OXR1: variants seen among roughly 807,000 people sequenced by gnomAD.
OXR1 encodes oxidation resistance protein 1.
OXR1 carries 41 observed loss-of-function variants against 104.6 expected under a neutral mutation model. The observed-to-expected ratio is 0.39, with a 90% CI of 0.31 to 0.51. The LOEUF (loss-of-function observed/expected upper bound fraction) is 0.51. OXR1 is among the 20% of genes least tolerant of loss of function. OXR1 has a pLI of 0.77. For synonymous variants in OXR1, 348 were observed against 348.4 expected (o/e 1.00, Z 0.01); for missense variants, 955 against 1,031.9 (o/e 0.93, Z 1.02).
At chr8:106,320,682 G>C (rs999083789) in intron 1 of OXR1, among the ~76,000 whole-genome samples, 9 of 150,814 alleles carry the variant, frequency 6.0e-5, no homozygotes, top group African/African-American at 1.2e-4. Flanking sequence ...CTTTTTTTGG[G>C]GGGGGCGGGG....
chr8:106,645,989 C>T (rs1366470767), intron 3 of OXR1, among the ~76,000 whole-genome samples: 3 of 152,062 alleles, frequency 2.0e-5, no homozygotes, highest in Admixed American at 2.0e-4. Context: ...GAAGGAACAA[C>T]AACAACAAAA....
At chr8:106,499,702 G>A (rs1586725930) in intron 2 of OXR1, among the ~76,000 whole-genome samples, 1 of 152,224 alleles carries the variant, frequency 6.6e-6, no homozygotes, top group East Asian at 1.9e-4. Context: ...AACTGGTAGA[G>A]TTTTATTCTA....
At chr8:106,508,760 A>G (rs562538115) in intron 2 of OXR1, among the ~76,000 whole-genome samples, 6 of 152,120 alleles carry the variant, frequency 3.9e-5, no homozygotes, top group Non-Finnish European at 7.4e-5. Flanking sequence ...TAAGAATCAT[A>G]TTTTCTGTAC....
chr8:106,421,892 G>A (rs565871245), intron 2 of OXR1, among the ~76,000 whole-genome samples: 1 of 127,580 alleles, frequency 7.8e-6, no homozygotes, highest in Non-Finnish European at 1.6e-5. Context: ...TTTCTATATA[G>A]CTATAAGAGT....
chr8:106,496,152 C>T (rs1027103662), intron 2 of OXR1, among the ~76,000 whole-genome samples: 1 of 152,150 alleles, frequency 6.6e-6, no homozygotes, highest in African/African-American at 2.4e-5. Flanking sequence ...GCATATCAGT[C>T]AGGATAGTCT....
chr8:106,318,842 G>GA (rs1266289531), intron 1 of OXR1, among the ~76,000 whole-genome samples: 48 of 152,268 alleles, frequency 3.2e-4, no homozygotes, highest in African/African-American at 1.1e-3. Context: ...GCCCAGTATG[G>GA]TAAAGGAGAG....
At chr8:106,600,977 A>G (rs1216095495) in intron 3 of OXR1, among the ~76,000 whole-genome samples, 1 of 152,212 alleles carries the variant, frequency 6.6e-6, no homozygotes, top group Non-Finnish European at 1.5e-5. Flanking sequence ...ATGTTCTAAT[A>G]AATTCTCTGA....
intron 3 of OXR1, chr8:106,658,129 T>C: frequency 8.0e-7 from 1 of 1,246,544 alleles, no homozygotes; most frequent in Non-Finnish European, 1.0e-6. Context: ...CAGGGGGACC[T>C]CGGGTGCGGG....
chr8:106,718,977 G>T (rs1458554248), intron 11 of OXR1, among the ~76,000 whole-genome samples: 1 of 152,102 alleles, frequency 6.6e-6, no homozygotes, highest in Non-Finnish European at 1.5e-5. Flanking sequence ...TTATGTTTTT[G>T]GTGTGATACC....
intron 3 of OXR1, among the ~76,000 whole-genome samples, chr8:106,597,884 C>A (rs879569008): frequency 3.3e-5 from 5 of 152,182 alleles, no homozygotes; most frequent in Non-Finnish European, 7.3e-5. Context: ...CAATATCTAG[C>A]TACTTCCTTT....
intron 1 of OXR1, among the ~76,000 whole-genome samples, chr8:106,344,525 G>A (rs1815396968): frequency 6.6e-6 from 1 of 152,230 alleles, no homozygotes; most frequent in East Asian, 1.9e-4. Context: ...TTTTAGTAGA[G>A]ATGGGGTTTC....
At chr8:106,707,256 G>C (rs773722256) in intron 9 of OXR1, 111 bp downstream of exon 9, 1 of 877,148 alleles carries the variant, frequency 1.1e-6, no homozygotes, top group South Asian at 1.4e-5. Flanking sequence ...GGATAAGTGA[G>C]TGACCCTTGA....
intron 3 of OXR1, among the ~76,000 whole-genome samples, chr8:106,549,419 C>T (rs569398266): frequency 1.3e-5 from 2 of 152,190 alleles, no homozygotes; most frequent in African/African-American, 4.8e-5. Flanking sequence ...TGAATATTAG[C>T]AAATATGTAT....
intron 2 of OXR1, among the ~76,000 whole-genome samples, chr8:106,421,737 A>C (rs1818914709): frequency 9.7e-6 from 1 of 103,222 alleles, no homozygotes; most frequent in Non-Finnish European, 1.9e-5. Flanking sequence ...AAACTATATC[A>C]AATTTGCTTC....
intron 1 of OXR1, among the ~76,000 whole-genome samples, chr8:106,341,124 T>C (rs1478259247): frequency 6.6e-6 from 1 of 152,132 alleles, no homozygotes; most frequent in Non-Finnish European, 1.5e-5. Context: ...CGTCCCAATA[T>C]TTTTTCTCTG....
intron 2 of OXR1, among the ~76,000 whole-genome samples, chr8:106,482,796 C>T (rs1420812286): frequency 1.3e-5 from 2 of 151,942 alleles, no homozygotes; most frequent in Admixed American, 6.6e-5. Context: ...CTGTTCCAGG[C>T]TTCAAAAACT....
At chr8:106,556,025 T>C (rs1227309019) in intron 3 of OXR1, among the ~76,000 whole-genome samples, 1 of 150,910 alleles carries the variant, frequency 6.6e-6, no homozygotes, top group Non-Finnish European at 1.5e-5. Flanking sequence ...TGAAAAAACT[T>C]AGTTAAATGA....
intron 3 of OXR1, among the ~76,000 whole-genome samples, chr8:106,522,228 C>G (rs1381777395): frequency 6.6e-6 from 1 of 152,040 alleles, no homozygotes. Context: ...GGATTGGTTC[C>G]AGAACCCTCA....
At chr8:106,537,443 T>A (rs1355897195) in intron 3 of OXR1, among the ~76,000 whole-genome samples, 1 of 152,060 alleles carries the variant, frequency 6.6e-6, no homozygotes, top group Non-Finnish European at 1.5e-5. Context: ...ATATGTAATT[T>A]AGGAAGAATA....
Sources: gnomAD v4.1 joint callset for allele counts (sites outside exome capture counted in the v4.1 genomes callset) on GRCh38, gnomAD v4.1.1 for gene constraint, MANE v1.5 for transcripts, NCBI Gene and HGNC (gene_info 2026-07-23, HGNC 2026-07-21) for gene names.